The following FHDC1 variants were observed in gnomAD, a reference collection of about 807,000 sequenced individuals.
FHDC1 encodes FH2 domain-containing protein 1.
In FHDC1, 25 loss-of-function variants were observed where a neutral mutation model predicts 52.6. The observed-to-expected ratio is 0.48, with a 90% confidence interval of 0.35 to 0.66. The LOEUF is 0.66. FHDC1 is among the 30% of genes least tolerant of loss of function. The probability of loss-of-function intolerance (pLI) is 0.01; values close to 1 mark genes in which losing one functional copy is unlikely to be tolerated. For synonymous variants in FHDC1, 616 were observed against 581.5 expected, an observed-to-expected ratio of 1.06 and a Z score of -0.85; for missense variants, 1,459 against 1,452.8, an observed-to-expected ratio of 1.00 and a Z score of -0.07.
chr4:152,960,149 TAAAG>T (rs1331610563), intron 4 of FHDC1, among the ~76,000 whole-genome samples: 1 of 152,212 alleles, frequency 6.6e-6, no homozygotes, highest in Non-Finnish European at 1.5e-5. Flanking sequence ...GTTTATGACT[TAAAG>T]AACCATATTA....
At chr4:152,931,453 AAAAC>A (rs1430982643), upstream of FHDC1, among the ~76,000 whole-genome samples, 15 of 101,334 alleles carry the variant, frequency 1.5e-4, no homozygotes, top group African/African-American at 6.8e-4. Context: ...TCCAGCCTCT[AAAAC>A]ACACACACAC....
Position 152,979,008 on chromosome 4 carries a change from A to G in FHDC1, c.*2285A>G, listed in dbSNP as rs578262827. 6.6e-6 allele frequency: 1 copy of G among 152,324 alleles called. No homozygotes were observed. Among genetic ancestry groups the G allele is most frequent in the East Asian group, 1.9e-4 (1 of 5,186 alleles). 9.4% of individuals were successfully genotyped at this position (152,324 alleles called of 1,614,324 possible). A position where few individuals can be genotyped will look rare whatever the true frequency, so the allele number is the denominator to read the frequency against. ...AGAAGCCTAAGAAGTTATATATTTA[A>G]TCAGGTAGACAAAACAGTTCAAAGC... On this transcript the variant is annotated 3_prime_UTR_variant, in exon 12 of 12. Coordinates refer to ENST00000511601, the MANE Select transcript of FHDC1 (RefSeq NM_001371116.1).
At chr4:152,927,027 T>C in the FHDC1 span, among the ~76,000 whole-genome samples, 11 of 152,238 alleles carry the variant, frequency 7.2e-5, no homozygotes, top group Non-Finnish European at 1.6e-4. Context: ...TCTACCATCC[T>C]AGAAGCAGGA....
chr4:152,934,392 T>G (rs1404456818), upstream of FHDC1, among the ~76,000 whole-genome samples: 2 of 152,096 alleles, frequency 1.3e-5, no homozygotes, highest in Admixed American at 1.3e-4. Flanking sequence ...GACTTGAAAT[T>G]TTACAACGAT....
the FHDC1 span, chr4:152,911,506 A>G: frequency 2.6e-5 from 4 of 152,416 alleles, no homozygotes; most frequent in Admixed American, 1.3e-4. Context: ...ACATGGTTCT[A>G]TCAGTAGTGT....
chr4:152,976,760 C>T lies in FHDC1; in HGVS notation c.*37C>T, dbSNP rs748781045. On this transcript the variant is annotated 3_prime_UTR_variant, in exon 12 of 12. Coordinates refer to ENST00000511601, the MANE Select transcript of FHDC1 (RefSeq NM_001371116.1). ...CCTCTCCTGCCTCCTGGGATTCAGACGGTGAAGACTGACTTCTGGGACGAG... is the reference window on the plus strand; with the variant it reads ...CCTCTCCTGCCTCCTGGGATTCAGATGGTGAAGACTGACTTCTGGGACGAG... The T allele has an allele frequency of 3.4e-6, 5 of 1,449,488 alleles. No individual in the cohort carries two copies. The highest frequency in any genetic ancestry group is 4.9e-5 in the East Asian group (2 of 40,436). The allele number at this position is 1,449,488 out of a possible 1,614,324, so 89.8% of individuals were successfully genotyped here.
chr4:152,928,434 C>T, the FHDC1 span, among the ~76,000 whole-genome samples: 1 of 152,320 alleles, frequency 6.6e-6, no homozygotes, highest in South Asian at 2.1e-4. Context: ...ACCTGTCCTG[C>T]TGCCACTTTC....
the FHDC1 span, chr4:152,911,896 G>A: frequency 5.3e-5 from 8 of 152,222 alleles, no homozygotes; most frequent in East Asian, 1.9e-4. Context: ...CTTATTAAAC[G>A]TGTTTGCTGC....
intron 2 of FHDC1, among the ~76,000 whole-genome samples, chr4:152,944,579 C>T (rs1369287599): frequency 6.6e-6 from 1 of 152,194 alleles, no homozygotes; most frequent in Non-Finnish European, 1.5e-5. Context: ...CAATATTGAC[C>T]TCTTTTCTCT....
rs1204893041 is a variant in FHDC1 at position 152,976,162 on chromosome 4, G to A, written c.2871G>A (p.Leu957=). The change falls in exon 12 of 12, where the codon CTG becomes CTA. Residue 957 remains leucine (L), a synonymous_variant. Transcript: ENST00000511601. ...CCACAGGCGCCGAAGAGCAGAGGCT[G>A]CCGCGGGGGAGCAGCGGCTCCAGCA... The part of the protein sequence containing the change: ...RASTGAEEQR[L]PRGSSGSSST... The A allele has an allele frequency of 1.2e-6, 2 of 1,611,972 alleles. No individual in the cohort carries two copies. The highest frequency in any genetic ancestry group is 1.7e-5 in the Admixed American group (1 of 59,940).
intron 2 of FHDC1, among the ~76,000 whole-genome samples, chr4:152,949,115 T>TAAGAAGAAGAAGAAG (rs1458622582): frequency 4.1e-4 from 32 of 77,182 alleles, no homozygotes; most frequent in East Asian, 2.3e-3. Context: ...ATAATAATAA[T>TAAGAAGAAGAAGAAG]AATAATAATA....
chr4:152,972,640 TC>T, intron 11 of FHDC1, 99 bp downstream of exon 11: 1 of 1,373,278 alleles, frequency 7.3e-7, no homozygotes, highest in Non-Finnish European at 9.8e-7. Flanking sequence ...ACTTTGCATC[TC>T]CACGGTTTCG....
chr4:152,939,433 C>T (rs939102536), intron 1 of FHDC1, among the ~76,000 whole-genome samples: 4 of 152,022 alleles, frequency 2.6e-5, no homozygotes, highest in Admixed American at 6.6e-5. Flanking sequence ...CGCGCCTGGC[C>T]GAGACTAGAA....
At chr4:152,926,303 C>CAT in the FHDC1 span, among the ~76,000 whole-genome samples, 6 of 141,072 alleles carry the variant, frequency 4.3e-5, no homozygotes, top group South Asian at 4.6e-4. Flanking sequence ...CACACACACA[C>CAT]AAACAATACA....
At chr4:152,957,051 G>A (rs536295832) in intron 4 of FHDC1, among the ~76,000 whole-genome samples, 2 of 152,278 alleles carry the variant, frequency 1.3e-5, no homozygotes, top group African/African-American at 4.8e-5. Flanking sequence ...GGCCAACCCT[G>A]GAGTCTTTGG....
intron 9 of FHDC1, among the ~76,000 whole-genome samples, chr4:152,965,273 A>G (rs969764576): frequency 6.6e-6 from 1 of 152,254 alleles, no homozygotes; most frequent in African/African-American, 2.4e-5. Flanking sequence ...GATAGAGCTT[A>G]AACAGCACCA....
At chr4:152,921,052 A>T in the FHDC1 span, among the ~76,000 whole-genome samples, 2 of 152,044 alleles carry the variant, frequency 1.3e-5, no homozygotes, top group Non-Finnish European at 2.9e-5. Flanking sequence ...CTAAGGCAGA[A>T]ATCTACCATA....
At chr4:152,971,197 T>G (rs2149959588) in intron 10 of FHDC1, among the ~76,000 whole-genome samples, 1 of 152,100 alleles carries the variant, frequency 6.6e-6, no homozygotes, top group Admixed American at 6.5e-5. Flanking sequence ...CTCTACAAAA[T>G]ATTTAAATAT....
intron 2 of FHDC1, among the ~76,000 whole-genome samples, chr4:152,945,832 G>C (rs535676874): frequency 1.1e-4 from 17 of 152,170 alleles, no homozygotes; most frequent in Admixed American, 7.9e-4. Flanking sequence ...TCCCTCTCCG[G>C]AACACTTTTC....
Sources: allele counts gnomAD v4.1 joint callset (sites outside exome capture counted in the v4.1 genomes callset), GRCh38; gene constraint gnomAD v4.1.1; transcripts MANE v1.5; gene names NCBI Gene and HGNC (gene_info 2026-07-23, HGNC 2026-07-21).